Variants in MTA3 observed in about 807,000 individuals in gnomAD.
The protein encoded by MTA3 is metastasis associated 1 family member 3.
A neutral mutation model predicts 83.5 loss-of-function variants in MTA3; 34 were observed. That is an observed-to-expected ratio of 0.41 (90% CI 0.31 to 0.54). The LOEUF is 0.54. Ranked by LOEUF, MTA3 falls within the 20% of genes least tolerant of loss-of-function variation. The pLI, the probability that MTA3 is intolerant of heterozygous loss-of-function variation, is 0.33. For missense variants in MTA3, 761 were observed against 726.4 expected (o/e 1.05, Z -0.55); for synonymous variants, 303 against 252.7 (o/e 1.20, Z -1.89).
chr2:42,549,628 C>CATATACATATATAATATATAATATATT (rs1677014595), intron 2 of MTA3, among the ~76,000 whole-genome samples: 3 of 115,296 alleles, frequency 2.6e-5, no homozygotes, highest in African/African-American at 3.8e-5. Flanking sequence ...ATATTATATA[C>CATATACATATATAATATATAATATATT]ATATACATAT....
At chr2:42,668,376 C>T (rs972249006) in intron 8 of MTA3, among the ~76,000 whole-genome samples, 1 of 152,212 alleles carries the variant, frequency 6.6e-6, no homozygotes, top group African/African-American at 2.4e-5. Context: ...CATAGAGGCC[C>T]TGTCCTTACT....
At chr2:42,585,354 CT>C (rs1680146927) in intron 3 of MTA3, among the ~76,000 whole-genome samples, 1 of 152,002 alleles carries the variant, frequency 6.6e-6, no homozygotes, top group South Asian at 2.1e-4. Flanking sequence ...TCCCAAAGTG[CT>C]GGGATTACAG....
intron 3 of MTA3, among the ~76,000 whole-genome samples, chr2:42,603,940 G>A (rs540198741): frequency 2.6e-5 from 4 of 152,240 alleles, no homozygotes; most frequent in Admixed American, 1.3e-4. Context: ...TAGTAGATAC[G>A]GAGCTTCATT....
At chr2:42,566,711 T>G (rs534898596), upstream of MTA3, among the ~76,000 whole-genome samples, 2 of 152,276 alleles carry the variant, frequency 1.3e-5, no homozygotes, top group South Asian at 4.1e-4. Flanking sequence ...CACAATGAAT[T>G]AACAAAAACA....
At chr2:42,576,647 T>C (rs1184717988) in intron 2 of MTA3, among the ~76,000 whole-genome samples, 1 of 152,058 alleles carries the variant, frequency 6.6e-6, no homozygotes, top group Non-Finnish European at 1.5e-5. Context: ...ACGCCTGTAA[T>C]CCCAGGACTT....
intron 6 of MTA3, among the ~76,000 whole-genome samples, chr2:42,644,779 G>A (rs1250586856): frequency 1.3e-5 from 2 of 152,088 alleles, no homozygotes; most frequent in Non-Finnish European, 2.9e-5. Flanking sequence ...TATTGTAATT[G>A]TTTTTGGGGC....
chr2:42,728,454 C>T (rs1667976611), intron 16 of MTA3, among the ~76,000 whole-genome samples: 1 of 152,160 alleles, frequency 6.6e-6, no homozygotes, highest in Admixed American at 6.5e-5. Context: ...GGGTATATAA[C>T]AGCAGGATTG....
At chr2:42,624,955 C>G (rs556995404) in intron 4 of MTA3, among the ~76,000 whole-genome samples, 31 of 152,238 alleles carry the variant, frequency 2.0e-4, no homozygotes, top group African/African-American at 6.0e-4. Context: ...TTGTTGCATA[C>G]TAAAATTTTA....
intron 2 of MTA3, among the ~76,000 whole-genome samples, chr2:42,526,500 A>G (rs1354209269): frequency 6.6e-6 from 1 of 152,178 alleles, no homozygotes; most frequent in Admixed American, 6.6e-5. Context: ...GTGTGAACCC[A>G]GATACATCAC....
chr2:42,544,479 A>C (rs6741700), intron 2 of MTA3, among the ~76,000 whole-genome samples: 1,753 of 151,936 alleles, frequency 0.012, 33 homozygotes, highest in African/African-American at 0.038. Context: ...AAAACAAAAA[A>C]AAAAACATAG....
At position 42,682,538 on chromosome 2, in the gene MTA3, A is replaced by G; in HGVS notation, c.840A>G (p.Glu280=). The G allele has an allele frequency of 6.2e-7, 1 of 1,612,948 alleles. No homozygotes were observed. The highest frequency in any genetic ancestry group is 8.5e-7 in the Non-Finnish European group (1 of 1,179,448). Residue 280 remains glutamate (E), a synonymous_variant, in exon 9 of 17, where the codon GAA becomes GAG. Coordinates refer to ENST00000405094, the MANE Select transcript of MTA3 (RefSeq NM_001330442.2). ...EWSASEASLF[E]EALEKYGKDF... is the part of the protein sequence containing the mutation. ...CAGCCTCTGAAGCTAGCTTATTTGA[A>G]GAGGCACTGGAAAAATATGGCAAAG...
chr2:42,750,439 C>T (rs6544594), intron 16 of MTA3, among the ~76,000 whole-genome samples: 107,239 of 151,458 alleles, frequency 0.71, 38,879 homozygotes, highest in African/African-American at 0.86. Context: ...TGTTGTCAAA[C>T]AATGTTTAAA....
At chr2:42,577,503 CG>C (rs1185145440) in intron 2 of MTA3, among the ~76,000 whole-genome samples, 2 of 146,684 alleles carry the variant, frequency 1.4e-5, no homozygotes, top group African/African-American at 5.1e-5. Context: ...TTTTTTGAGA[CG>C]GATTGTCACT....
intron 2 of MTA3, among the ~76,000 whole-genome samples, chr2:42,555,119 A>G (rs1677314020): frequency 6.6e-6 from 1 of 150,788 alleles, no homozygotes; most frequent in African/African-American, 2.4e-5. Context: ...ATGCTACCGC[A>G]CTCCAGCCTG....
At chr2:42,729,702 G>C (rs1043445390) in intron 16 of MTA3, among the ~76,000 whole-genome samples, 1 of 152,170 alleles carries the variant, frequency 6.6e-6, no homozygotes, top group Non-Finnish European at 1.5e-5. Flanking sequence ...TAGCTCTGTA[G>C]TATAATTTGA....
chr2:42,741,601 G>A (rs1669031665), intron 16 of MTA3, among the ~76,000 whole-genome samples: 1 of 85,946 alleles, frequency 1.2e-5, no homozygotes, highest in Admixed American at 1.2e-4. Flanking sequence ...GAATAGAGAT[G>A]CTCAAGGAGA....
intron 2 of MTA3, among the ~76,000 whole-genome samples, chr2:42,548,190 C>G (rs963271451): frequency 2.0e-5 from 3 of 152,122 alleles, no homozygotes; most frequent in Non-Finnish European, 4.4e-5. Context: ...GGGGGCCGGG[C>G]GCGCTGGCTC....
chr2:42,711,976 A>C (rs1202612728), intron 14 of MTA3, among the ~76,000 whole-genome samples: 1 of 152,120 alleles, frequency 6.6e-6, no homozygotes, highest in African/African-American at 2.4e-5. Context: ...TAATTAATGC[A>C]TTTTAGAATA....
intron 16 of MTA3, chr2:42,752,437 A>C: frequency 2.8e-6 from 1 of 352,496 alleles, no homozygotes; most frequent in South Asian, 2.1e-5. Flanking sequence ...ACTAAGTAAA[A>C]AGCTTTCACA....
Sources: allele counts gnomAD v4.1 joint callset (sites outside exome capture counted in the v4.1 genomes callset), GRCh38; gene constraint gnomAD v4.1.1; transcripts MANE v1.5; gene names NCBI Gene and HGNC (gene_info 2026-07-23, HGNC 2026-07-21).